The following MCOLN2 variants were observed in gnomAD, a reference collection of about 807,000 sequenced individuals.
MCOLN2 encodes mucolipin-2.
Under a neutral mutation model 67.5 loss-of-function variants are expected in MCOLN2, and 57 were observed. That is an observed-to-expected ratio of 0.84 (90% CI 0.68 to 1.05). The LOEUF is 1.05. Ranked by LOEUF, MCOLN2 falls within the 50% of genes least tolerant of loss-of-function variation. The pLI, the probability that MCOLN2 is intolerant of heterozygous loss-of-function variation, is 0.00. For synonymous variants in MCOLN2, 246 were observed against 233.3 expected (o/e 1.05, Z -0.50); for missense variants, 620 against 678.8 (o/e 0.91, Z 0.96).
At chr1:84,957,899 A>G (rs1162964337) in intron 3 of MCOLN2, among the ~76,000 whole-genome samples, 1 of 152,236 alleles carries the variant, frequency 6.6e-6, no homozygotes, top group Non-Finnish European at 1.5e-5. Context: ...TTCAATATTT[A>G]TTGAGTGAAT....
In MCOLN2 at chr1:84,945,842, G is replaced by T. The variant is rs549524706; in HGVS notation, c.847+1191C>A. 3.9e-5 allele frequency among the ~76,000 whole-genome samples: 6 copies of T among 152,254 alleles called. No individual in the cohort carries two copies. The East Asian group carries it at 1.2e-3, about 29-fold the overall frequency. ...GTTCACTGCAGCCTCTGCCTCTCAG[G>T]TTCAAGCAATTCTCCTGCCTCAGCC... On this transcript the variant is annotated intron_variant, in intron 7 of 13. Coordinates refer to ENST00000370608, the MANE Select transcript of MCOLN2 (RefSeq NM_153259.4).
chr1:84,941,245 C>T (rs962990630), intron 7 of MCOLN2, among the ~76,000 whole-genome samples: 1 of 152,082 alleles, frequency 6.6e-6, no homozygotes, highest in African/African-American at 2.4e-5. Context: ...GCCTGTAATC[C>T]CAGCACTTTG....
chr1:84,976,200 A>G (rs901916476), intron 1 of MCOLN2, among the ~76,000 whole-genome samples: 2 of 152,224 alleles, frequency 1.3e-5, no homozygotes, highest in African/African-American at 4.8e-5. Context: ...TAGGACACCA[A>G]GCAGATTTAA....
intron 4 of MCOLN2, 51 bp downstream of exon 4, chr1:84,956,380 G>C (rs1648791462): frequency 1.3e-6 from 2 of 1,578,294 alleles, no homozygotes; most frequent in African/African-American, 1.4e-5. Flanking sequence ...GGGCATTTCT[G>C]CTCTTACCAG....
intron 3 of MCOLN2, among the ~76,000 whole-genome samples, chr1:84,957,615 C>G (rs1032399238): frequency 6.6e-6 from 1 of 152,170 alleles, no homozygotes; most frequent in African/African-American, 2.4e-5. Flanking sequence ...TCAAGCTCCC[C>G]TCACATTAAA....
chr1:84,925,888 G>T lies in MCOLN2; in HGVS notation c.*797C>A, dbSNP rs1269824748. The T allele has an allele frequency of 6.7e-6, 1 of 149,668 alleles. No individual in the cohort carries two copies. The highest frequency in any genetic ancestry group is 2.5e-5 in the African/African-American group (1 of 40,618). The allele number at this position is 149,668 out of a possible 1,614,324, so 9.3% of individuals were successfully genotyped here. A position where few individuals can be genotyped will look rare whatever the true frequency, so the allele number is the denominator to read the frequency against. On this transcript the variant is annotated 3_prime_UTR_variant, in exon 14 of 14. Transcript: ENST00000370608. ...CATGAGGTCTTTTTGTTGATTTAAG[G>T]GTGATTTTTTTTTTTTTTTGAGACA...
intron 8 of MCOLN2, 60 bp downstream of exon 8, chr1:84,940,819 C>A (rs1647731048): frequency 2.6e-6 from 3 of 1,172,208 alleles, no homozygotes; most frequent in Non-Finnish European, 3.7e-6. Flanking sequence ...TGGTCCACTG[C>A]TTGGGCAAAC....
intron 1 of MCOLN2, among the ~76,000 whole-genome samples, chr1:84,985,906 T>C (rs935265744): frequency 2.0e-5 from 3 of 151,992 alleles, no homozygotes; most frequent in Admixed American, 1.3e-4. Flanking sequence ...CCCATCAAAA[T>C]ACCACCACCA....
At chr1:84,959,341 A>G (rs1051253833) in intron 2 of MCOLN2, among the ~76,000 whole-genome samples, 5 of 152,146 alleles carry the variant, frequency 3.3e-5, no homozygotes, top group African/African-American at 1.2e-4. Flanking sequence ...AAACCCATTC[A>G]TTGTCACCAA....
intron 1 of MCOLN2, among the ~76,000 whole-genome samples, chr1:84,982,523 T>C (rs1650307362): frequency 6.6e-6 from 1 of 152,232 alleles, no homozygotes; most frequent in Non-Finnish European, 1.5e-5. Flanking sequence ...TGGTTCAGCA[T>C]ATGATATGTA....
chr1:84,942,266 A>G (rs1298701407), intron 7 of MCOLN2, among the ~76,000 whole-genome samples: 1 of 152,196 alleles, frequency 6.6e-6, no homozygotes, highest in Non-Finnish European at 1.5e-5. Flanking sequence ...ACAGACACTG[A>G]CCTTTCATTA....
chr1:84,968,415 T>C (rs1159037753), intron 1 of MCOLN2, among the ~76,000 whole-genome samples: 1 of 152,088 alleles, frequency 6.6e-6, no homozygotes, highest in Admixed American at 6.6e-5. Flanking sequence ...GACTTGGCAC[T>C]CTAATAAATA....
At chr1:84,949,786 GA>G (rs571795541) in intron 6 of MCOLN2, among the ~76,000 whole-genome samples, 44 of 143,944 alleles carry the variant, frequency 3.1e-4, no homozygotes, top group Middle Eastern at 3.6e-3. Flanking sequence ...AGGGTTTAAA[GA>G]AAAAAAAAAA....
chr1:84,927,255 T>C (rs1056069267), intron 13 of MCOLN2, among the ~76,000 whole-genome samples: 1 of 150,280 alleles, frequency 6.7e-6, no homozygotes, highest in Non-Finnish European at 1.5e-5. Flanking sequence ...ACTCAATAAA[T>C]ACATTGGTTT....
At chr1:84,974,239 C>T (rs980455095) in intron 1 of MCOLN2, among the ~76,000 whole-genome samples, 9 of 152,134 alleles carry the variant, frequency 5.9e-5, no homozygotes, top group South Asian at 4.2e-4. Flanking sequence ...CAACTCTAGG[C>T]GAGTCCTAGT....
intron 7 of MCOLN2, among the ~76,000 whole-genome samples, chr1:84,944,941 T>C (rs1648008434): frequency 6.6e-6 from 1 of 152,178 alleles, no homozygotes; most frequent in Admixed American, 6.5e-5. Flanking sequence ...AAAAAGTCCA[T>C]TTCCTAAGAT....
rs866138463 is a variant in MCOLN2 at position 84,989,120 on chromosome 1, G to A, written c.77+7676C>T. On this transcript the variant is annotated intron_variant, in intron 1 of 13. Transcript: ENST00000370608. ...ATGGACTTCATGAAGGGTGGGTCTTGTTTATAACCATATAGCCCAGCATAC... is the reference window on the plus strand; with the variant it reads ...ATGGACTTCATGAAGGGTGGGTCTTATTTATAACCATATAGCCCAGCATAC... Among the ~76,000 whole-genome samples the A allele has an allele frequency of 4.6e-5, 7 of 152,130 alleles. No homozygotes were observed. In the South Asian group the frequency reaches 1.2e-3, roughly 27 times the overall value.
chr1:84,958,441 CAT>C (rs961470726), intron 3 of MCOLN2, 86 bp downstream of exon 3: 40 of 1,047,092 alleles, frequency 3.8e-5, no homozygotes, highest in African/African-American at 6.7e-5. Context: ...AATATTTTAA[CAT>C]GTGTATAATT....
chr1:84,942,509 A>G (rs1316128206), intron 7 of MCOLN2, among the ~76,000 whole-genome samples: 1 of 152,200 alleles, frequency 6.6e-6, no homozygotes, highest in African/African-American at 2.4e-5. Context: ...TTCATATACA[A>G]AGAGCCCATG....
Sources: gnomAD v4.1 joint callset for allele counts (sites outside exome capture counted in the v4.1 genomes callset) on GRCh38, gnomAD v4.1.1 for gene constraint, MANE v1.5 for transcripts, NCBI Gene and HGNC (gene_info 2026-07-23, HGNC 2026-07-21) for gene names.